Variants in RFX4 observed in about 807,000 individuals in gnomAD.
RFX4 encodes transcription factor RFX4.
In RFX4, 10 loss-of-function variants were observed where a neutral mutation model predicts 95.0. That is an observed-to-expected ratio of 0.11 (90% CI 0.06 to 0.18). The LOEUF is 0.18. RFX4 is among the 10% of genes least tolerant of loss of function. The pLI is 1.00. For synonymous variants in RFX4, 321 were observed against 340.7 expected (o/e 0.94, Z 0.64); for missense variants, 640 against 922.0 (o/e 0.69, Z 3.96).
At chr12:106,640,305 C>T (rs193248038) in intron 3 of RFX4, among the ~76,000 whole-genome samples, 2 of 152,066 alleles carry the variant, frequency 1.3e-5, no homozygotes, top group East Asian at 3.9e-4. Flanking sequence ...CTCATGCTTG[C>T]GAAGAAAGGA....
At chr12:106,671,605 A>C (rs1427360797) in intron 4 of RFX4, among the ~76,000 whole-genome samples, 1 of 152,050 alleles carries the variant, frequency 6.6e-6, no homozygotes, top group African/African-American at 2.4e-5. Context: ...CCAGTTCCTC[A>C]TTTGTAAAGT....
At chr12:106,627,603 A>G (rs2040328094) in intron 2 of RFX4, among the ~76,000 whole-genome samples, 1 of 152,192 alleles carries the variant, frequency 6.6e-6, no homozygotes, top group African/African-American at 2.4e-5. Context: ...TGGAAGTTAC[A>G]TCTCTCTCTC....
intron 8 of RFX4, among the ~76,000 whole-genome samples, chr12:106,705,916 C>A (rs573955549): frequency 6.6e-6 from 1 of 152,172 alleles, no homozygotes; most frequent in Admixed American, 6.5e-5. Context: ...ATAGTCCCTG[C>A]CCTCTGCATG....
intron 4 of RFX4, among the ~76,000 whole-genome samples, chr12:106,658,553 A>G (rs2041006980): frequency 6.6e-6 from 1 of 152,216 alleles, no homozygotes; most frequent in East Asian, 1.9e-4. Flanking sequence ...GCTCTGGGAA[A>G]GAGGGGTAGG....
At chr12:106,686,751 AG>A in intron 5 of RFX4, 132 bp from the exon 6 acceptor site, 1 of 730,462 alleles carries the variant, frequency 1.4e-6, no homozygotes, top group Non-Finnish European at 2.3e-6. Flanking sequence ...TTCTATCCCC[AG>A]GTAGGATGGC....
rs1228640862 is a variant in RFX4, at chr12:106,732,140, C to T, written c.1362C>T (p.His454=). The T allele has an allele frequency of 6.2e-7, 1 of 1,613,378 alleles. No individual in the cohort carries two copies. The highest frequency in any genetic ancestry group is 8.5e-7 in the Non-Finnish European group (1 of 1,179,590). ...CCTTTTTTTCACCAGGGTCTTTTCACCTAATTCACTTAATGTTTGATGACT... is the reference window on the plus strand; with the variant it reads ...CCTTTTTTTCACCAGGGTCTTTTCATCTAATTCACTTAATGTTTGATGACT... ...LHSAPSFGSF[H]LIHLMFDDYV... Residue 454 remains histidine, a synonymous_variant, in exon 14 of 18, where the codon CAC becomes CAT. Coordinates refer to ENST00000392842, the MANE Select transcript of RFX4 (RefSeq NM_213594.3).
intron 2 of RFX4, among the ~76,000 whole-genome samples, chr12:106,614,594 C>T (rs111764880): frequency 0.017 from 2,557 of 149,508 alleles, 70 homozygotes; most frequent in African/African-American, 0.059. Context: ...CTGCAAGCTC[C>T]GCCTCCTGGG....
rs577362373 is a variant in RFX4, at chr12:106,761,483, C to T, written c.*14C>T. 2.4e-5 allele frequency: 37 copies of T among 1,512,754 alleles called. No homozygotes were observed. The highest frequency in any genetic ancestry group is 3.1e-5 in the Non-Finnish European group (35 of 1,129,354). 93.7% of individuals were successfully genotyped at this position (1,512,754 alleles called of 1,614,324 possible). A position where few individuals can be genotyped will look rare whatever the true frequency, so the allele number is the denominator to read the frequency against. ...TGGGCTAAATGACTGCTATCATAGG[C>T]ATCCATATTTAATATTAATAATAAT... is the stretch of plus-strand genomic sequence containing the variant. On this transcript the variant is annotated 3_prime_UTR_variant, in exon 18 of 18. Coordinates refer to ENST00000392842, the MANE Select transcript of RFX4 (RefSeq NM_213594.3).
At chr12:106,631,365 G>T (rs143206887) in intron 2 of RFX4, among the ~76,000 whole-genome samples, 426 of 152,302 alleles carry the variant, frequency 2.8e-3, no homozygotes, top group African/African-American at 9.7e-3. Context: ...GGTGAGCAAG[G>T]TCTGCACCCT....
intron 2 of RFX4, among the ~76,000 whole-genome samples, chr12:106,621,983 G>T (rs2040195830): frequency 6.6e-6 from 1 of 152,052 alleles, no homozygotes; most frequent in African/African-American, 2.4e-5. Context: ...TTTACAATTT[G>T]GTGGGTGAGT....
chr12:106,706,343 CCT>C (rs1206035031), intron 8 of RFX4, among the ~76,000 whole-genome samples: 1 of 152,080 alleles, frequency 6.6e-6, no homozygotes, highest in African/African-American at 2.4e-5. Context: ...TGGAAATGTC[CCT>C]CTGACAATGT....
intron 4 of RFX4, among the ~76,000 whole-genome samples, chr12:106,678,187 A>G (rs1331718184): frequency 6.6e-6 from 1 of 152,148 alleles, no homozygotes. Context: ...AGGTAGAACA[A>G]ATGGCTCCAG....
At chr12:106,731,758 G>C (rs1341697870) in intron 13 of RFX4, among the ~76,000 whole-genome samples, 1 of 152,152 alleles carries the variant, frequency 6.6e-6, no homozygotes, top group East Asian at 1.9e-4. Flanking sequence ...AAAAATGAGA[G>C]ACACTATGTT....
chr12:106,588,591 C>T (rs1406482805), intron 1 of RFX4, among the ~76,000 whole-genome samples: 2 of 152,154 alleles, frequency 1.3e-5, no homozygotes, highest in East Asian at 3.8e-4. Context: ...GATTCCATTG[C>T]CTCATTTGCA....
chr12:106,733,015 T>C lies in RFX4; in HGVS notation c.1563T>C (p.Ser521=). 6.2e-7 allele frequency: 1 copy of C among 1,614,190 alleles called. No homozygotes were observed. Among genetic ancestry groups the C allele is most frequent in the Non-Finnish European group, 8.5e-7 (1 of 1,180,028 alleles). The change falls in exon 15 of 18, where the codon TCT becomes TCC. Residue 521 remains serine (S), a synonymous_variant. Transcript: ENST00000392842. Reference sequence around the variant, plus strand: ...TTTCTCCAGCAAAATCTGCCACATCTGTGGAAGTGCCACCTCCCTCTTCCC... The same window carrying C: ...TTTCTCCAGCAAAATCTGCCACATCCGTGGAAGTGCCACCTCCCTCTTCCC... ...PSFSPAKSAT[S]VEVPPPSSPV... is the part of the protein sequence containing the mutation.
At chr12:106,587,654 T>G (rs2039480452) in intron 1 of RFX4, among the ~76,000 whole-genome samples, 1 of 152,174 alleles carries the variant, frequency 6.6e-6, no homozygotes, top group African/African-American at 2.4e-5. Context: ...GTCCGGAGGT[T>G]AGGCGCCAGC....
chr12:106,586,162 G>A lies in RFX4; in HGVS notation c.43+2799G>A, dbSNP rs528807590. The stretch of plus-strand genomic sequence containing the variant: ...AGCTTGCCGCGCGCCGCGGTGCTCC[G>A]GCAGGAGGCAAAGGCGACAGGCGCG... On this transcript the variant is annotated intron_variant, in intron 1 of 17. Coordinates refer to ENST00000392842, the MANE Select transcript of RFX4 (RefSeq NM_213594.3). This position sits in a 1 kb window ranked among gnomAD's most constrained non-coding sequence, Gnocchi z 5.6. Among the ~76,000 whole-genome samples the A allele has an allele frequency of 6.6e-6, 1 of 152,144 alleles. No individual in the cohort carries two copies. The highest frequency in any genetic ancestry group is 2.4e-5 in the African/African-American group (1 of 41,442).
intron 8 of RFX4, among the ~76,000 whole-genome samples, chr12:106,703,431 C>A (rs1280429671): frequency 6.6e-6 from 1 of 152,156 alleles, no homozygotes; most frequent in Non-Finnish European, 1.5e-5. Context: ...GACCGAATTT[C>A]AATTTTTATA....
intron 7 of RFX4, among the ~76,000 whole-genome samples, chr12:106,693,791 A>T (rs1037633112): frequency 6.6e-6 from 1 of 152,224 alleles, no homozygotes; most frequent in African/African-American, 2.4e-5. Context: ...TCAGAAACAT[A>T]GGCAAGAAAG....
Sources: gnomAD v4.1 joint callset for allele counts (sites outside exome capture counted in the v4.1 genomes callset) on GRCh38, gnomAD v4.1.1 for gene constraint, Gnocchi (gnomAD v3.1) non-coding constraint, MANE v1.5 for transcripts, NCBI Gene and HGNC (gene_info 2026-07-23, HGNC 2026-07-21) for gene names.